NIPBL: variants seen among roughly 807,000 people sequenced by gnomAD.
NIPBL encodes the protein nipped-B-like protein.
NIPBL carries 19 observed loss-of-function variants against 321.8 expected under a neutral mutation model. That is an observed-to-expected ratio of 0.06 (90% CI 0.04 to 0.09). The LOEUF is 0.09. NIPBL is among the 10% of genes least tolerant of loss of function. NIPBL has a pLI of 1.00. For missense variants in NIPBL, 2,210 were observed against 3,327.0 expected (o/e 0.66, Z 8.26); for synonymous variants, 1,106 against 1,114.1 (o/e 0.99, Z 0.14).
chr5:36,989,892 T>A (rs2149652896), intron 10 of NIPBL, among the ~76,000 whole-genome samples: 1 of 150,704 alleles, frequency 6.6e-6, no homozygotes, highest in East Asian at 1.9e-4. Flanking sequence ...AACACATGCC[T>A]TCAGTGTTAT....
Position 37,065,906 on chromosome 5 carries a change from G to C in NIPBL, c.*1014G>C, listed in dbSNP as rs1464500516. 6.6e-6 allele frequency: 1 copy of C among 152,412 alleles called. No individual in the cohort carries two copies. Among genetic ancestry groups the C allele is most frequent in the African/African-American group, 2.4e-5 (1 of 41,408 alleles). 9.4% of individuals were successfully genotyped at this position (152,412 alleles called of 1,614,324 possible). ...CTCGGGTAAAGGTAACCTGTTATTT[G>C]GAAAACCAGCATTTCTCTTGGTTAA... is the stretch of plus-strand genomic sequence containing the variant. On this transcript the variant is annotated 3_prime_UTR_variant, in exon 47 of 47. Transcript: ENST00000282516.
intron 41 of NIPBL, 43 bp from the exon 42 acceptor site, chr5:37,052,323 C>A: frequency 6.7e-7 from 1 of 1,503,106 alleles, no homozygotes; most frequent in Non-Finnish European, 9.3e-7. Context: ...TAATTTGTGT[C>A]TTTTAATTTC....
rs532471900 is a variant in NIPBL, at chr5:37,053,869, A to C, written c.7263+1303A>C. Among the ~76,000 whole-genome samples, 3 of 152,332 alleles carry C rather than the reference A, an allele frequency of 2.0e-5. No homozygotes were observed. The East Asian group carries it at 5.8e-4, about 29-fold the overall frequency. ...ACAGATATGGTTTCTGCCCACACAG[A>C]GCACGCATGAACCTATGTGTATAGC... is the stretch of plus-strand genomic sequence containing the variant. On this transcript the variant is annotated intron_variant, in intron 42 of 46. Coordinates refer to ENST00000282516, the MANE Select transcript of NIPBL (RefSeq NM_133433.4).
chr5:36,923,867 A>G (rs1214772907), intron 1 of NIPBL, among the ~76,000 whole-genome samples: 2 of 152,226 alleles, frequency 1.3e-5, no homozygotes, highest in Admixed American at 6.5e-5. Flanking sequence ...TCCTGGCAAT[A>G]TCTAGTCTTA....
At chr5:36,948,313 T>C (rs1276534171) in intron 1 of NIPBL, among the ~76,000 whole-genome samples, 2 of 151,944 alleles carry the variant, frequency 1.3e-5, no homozygotes, top group South Asian at 2.1e-4. Flanking sequence ...GTGCCACTTA[T>C]AACTCAGGAG....
intron 8 of NIPBL, among the ~76,000 whole-genome samples, chr5:36,972,989 C>T (rs1193890390): frequency 2.0e-5 from 3 of 152,084 alleles, no homozygotes; most frequent in African/African-American, 7.2e-5. Flanking sequence ...TTCAGTTTAT[C>T]TTTGAATTTT....
At chr5:36,987,870 G>GT (rs1745013186) in intron 10 of NIPBL, among the ~76,000 whole-genome samples, 3 of 151,964 alleles carry the variant, frequency 2.0e-5, no homozygotes, top group African/African-American at 7.2e-5. Context: ...AGAATGTGGG[G>GT]GTTAACACCA....
intron 9 of NIPBL, 36 bp from the exon 10 acceptor site, chr5:36,984,640 C>G (rs1744535747): frequency 6.4e-7 from 1 of 1,551,686 alleles, no homozygotes. Context: ...GAATACATGT[C>G]TATTACTGAT....
rs752548493 is a variant in NIPBL at position 37,019,300 on chromosome 5, T to G, written c.4921-11T>G. On this transcript the variant is annotated splice_polypyrimidine_tract_variant and intron_variant, in intron 24 of 46. Coordinates refer to ENST00000282516, the MANE Select transcript of NIPBL (RefSeq NM_133433.4). ...AATATCTTTTTTGTTCTTATTTGGT[T>G]TATTCTATAGGTTTCAGGAGGGGAA... 1.9e-6 allele frequency: 3 copies of G among 1,578,766 alleles called. No homozygotes were observed. Among genetic ancestry groups the G allele is most frequent in the Middle Eastern group, 1.7e-4 (1 of 5,994 alleles).
Position 36,975,855 on chromosome 5 carries a change from A to G in NIPBL, c.948A>G (p.Leu316=), listed in dbSNP as rs201213428. Residue 316 remains leucine (L), a synonymous_variant, in exon 9 of 47, where the codon CTA becomes CTG. Transcript: ENST00000282516. Reference sequence around the variant, plus strand: ...GAGATGTTCCACCAGATATCTTGCTAGATTCTCCAGAAAGAAAACAAAAGA... The same window carrying G: ...GAGATGTTCCACCAGATATCTTGCTGGATTCTCCAGAAAGAAAACAAAAGA... ...SPRDVPPDIL[L]DSPERKQKKQ... 9.9e-6 allele frequency: 16 copies of G among 1,612,198 alleles called. No homozygotes were observed. In the Admixed American group the frequency reaches 2.2e-4, roughly 22 times the overall value.
intron 1 of NIPBL, among the ~76,000 whole-genome samples, chr5:36,925,675 A>C (rs894285519): frequency 6.6e-6 from 1 of 152,328 alleles, no homozygotes; most frequent in East Asian, 1.9e-4. Flanking sequence ...TTCAACTAGT[A>C]CGTGGCAGAA....
At chr5:36,951,303 ACAGT>A (rs1740261411) in intron 1 of NIPBL, among the ~76,000 whole-genome samples, 1 of 152,180 alleles carries the variant, frequency 6.6e-6, no homozygotes, top group African/African-American at 2.4e-5. Context: ...ACTTAAGAAA[ACAGT>A]CAGGTAGCCC....
chr5:37,009,953 A>T, intron 20 of NIPBL, 134 bp from the exon 21 acceptor site: 1 of 706,002 alleles, frequency 1.4e-6, no homozygotes, highest in Admixed American at 2.2e-5. Flanking sequence ...ATAATTACAC[A>T]TAAGAACACA....
intron 31 of NIPBL, among the ~76,000 whole-genome samples, chr5:37,026,586 A>T (rs148584605): frequency 1.3e-5 from 2 of 152,218 alleles, no homozygotes; most frequent in Non-Finnish European, 2.9e-5. Flanking sequence ...GCAATTAAAA[A>T]CAGGGAGGGA....
chr5:36,913,385 CT>C (rs770339545), intron 1 of NIPBL, among the ~76,000 whole-genome samples: 5,249 of 137,764 alleles, frequency 0.038, 212 homozygotes, highest in African/African-American at 0.11. Context: ...TTATTTCCTT[CT>C]TTTTTTTTTT....
At chr5:36,949,880 A>G (rs932942273) in intron 1 of NIPBL, among the ~76,000 whole-genome samples, 2 of 151,974 alleles carry the variant, frequency 1.3e-5, no homozygotes, top group African/African-American at 4.8e-5. Context: ...GAAGAAGTGG[A>G]GTCTTTAAAA....
chr5:36,956,048 C>T (rs1740900952), intron 3 of NIPBL, among the ~76,000 whole-genome samples: 1 of 148,254 alleles, frequency 6.7e-6, no homozygotes, highest in African/African-American at 2.5e-5. Flanking sequence ...GGTGAAACCC[C>T]ATCTCTACTA....
intron 11 of NIPBL, among the ~76,000 whole-genome samples, chr5:36,998,847 A>G (rs1434253666): frequency 2.0e-5 from 3 of 152,170 alleles, no homozygotes; most frequent in Non-Finnish European, 4.4e-5. Context: ...ACTAGAGCAT[A>G]CTGTAATCAT....
chr5:37,034,878 A>G (rs1392814814), intron 32 of NIPBL, among the ~76,000 whole-genome samples: 1 of 152,234 alleles, frequency 6.6e-6, no homozygotes, highest in Non-Finnish European at 1.5e-5. Context: ...GAGTGGCAAC[A>G]GTGTGTCATG....
Sources: allele counts gnomAD v4.1 joint callset (sites outside exome capture counted in the v4.1 genomes callset), GRCh38; gene constraint gnomAD v4.1.1; transcripts MANE v1.5; gene names NCBI Gene and HGNC (gene_info 2026-07-23, HGNC 2026-07-21).